The following CADM2 variants were observed in gnomAD, a reference collection of about 807,000 sequenced individuals.
CADM2 encodes immunoglobulin superfamily member 4D.
CADM2 carries 12 observed loss-of-function variants against 49.8 expected under a neutral mutation model. The ratio of observed to expected loss-of-function variants is 0.24; its 90% CI spans 0.15 to 0.39. The LOEUF (loss-of-function observed/expected upper bound fraction) is 0.39, where lower values mean the gene tolerates loss of function less well. Ranked by LOEUF, CADM2 falls within the 10% of genes least tolerant of loss-of-function variation. The probability of loss-of-function intolerance (pLI) is 1.00; values close to 1 mark genes in which losing one functional copy is unlikely to be tolerated. For missense variants in CADM2, 378 were observed against 492.3 expected (o/e 0.77, Z 2.20); for synonymous variants, 214 against 175.4 (o/e 1.22, Z -1.74).
intron 1 of CADM2, among the ~76,000 whole-genome samples, chr3:85,294,873 G>T (rs1437452590): frequency 6.6e-6 from 1 of 152,100 alleles, no homozygotes; most frequent in Non-Finnish European, 1.5e-5. Flanking sequence ...TCAGGACATA[G>T]GCATGGGCAA....
intron 1 of CADM2, among the ~76,000 whole-genome samples, chr3:85,047,872 G>A (rs2035727804): frequency 6.6e-6 from 1 of 152,118 alleles, no homozygotes; most frequent in Admixed American, 6.6e-5. Flanking sequence ...AAACAAAGCA[G>A]AAGACTTTCT....
intron 1 of CADM2, among the ~76,000 whole-genome samples, chr3:85,707,630 G>T (rs534749749): frequency 3.0e-4 from 46 of 152,018 alleles, no homozygotes; most frequent in Admixed American, 2.5e-3. Context: ...AAGTAGTGAT[G>T]TAAAAACACG....
chr3:85,901,055 G>C (rs1256894388), intron 5 of CADM2, among the ~76,000 whole-genome samples: 2 of 152,070 alleles, frequency 1.3e-5, no homozygotes, highest in African/African-American at 2.4e-5. Context: ...AAATTAGCTG[G>C]GCGTGGTGGT....
intron 1 of CADM2, among the ~76,000 whole-genome samples, chr3:85,627,298 C>A (rs1426279012): frequency 6.6e-6 from 1 of 151,904 alleles, no homozygotes; most frequent in Non-Finnish European, 1.5e-5. Flanking sequence ...ACCTTCCCTG[C>A]AGAGATGCAC....
chr3:85,804,261 A>G (rs2072257676), intron 3 of CADM2, among the ~76,000 whole-genome samples: 1 of 152,166 alleles, frequency 6.6e-6, no homozygotes, highest in South Asian at 2.1e-4. Context: ...TTCATTACGA[A>G]ACTAAATATA....
chr3:85,908,850 G>A (rs1041087265), intron 5 of CADM2, among the ~76,000 whole-genome samples: 1 of 151,498 alleles, frequency 6.6e-6, no homozygotes, highest in African/African-American at 2.4e-5. Context: ...TCAGCCTCCT[G>A]AGTAGCTGGG....
chr3:85,079,935 A>C (rs891643286), intron 1 of CADM2, among the ~76,000 whole-genome samples: 2 of 151,950 alleles, frequency 1.3e-5, no homozygotes, highest in Admixed American at 6.6e-5. Flanking sequence ...AGGATGTACT[A>C]TCACATTTCC....
rs1739360776 is a variant in CADM2 at position 86,066,523 on chromosome 3, A to T, written c.1097-142A>T. The T allele has an allele frequency of 2.1e-5, 14 of 653,844 alleles. 1 individual carries two copies. In the South Asian group the frequency reaches 2.7e-4, roughly 12 times the overall value. The allele number at this position is 653,844 out of a possible 1,614,324, so 40.5% of individuals were successfully genotyped here. On this transcript the variant is annotated intron_variant, in intron 9 of 9. Coordinates refer to ENST00000383699, the MANE Select transcript of CADM2 (RefSeq NM_001167675.2). ...GCGTACCTGAAAACTGTAAGAAAACAGTGCAACTTTAGAAGAGTCAATCGG... is the reference window on the plus strand; with the variant it reads ...GCGTACCTGAAAACTGTAAGAAAACTGTGCAACTTTAGAAGAGTCAATCGG...
At chr3:85,537,557 G>C (rs1423039018) in intron 1 of CADM2, among the ~76,000 whole-genome samples, 5 of 151,628 alleles carry the variant, frequency 3.3e-5, no homozygotes, top group Non-Finnish European at 1.5e-5. Context: ...AAGAAAATGT[G>C]TTTATTTCCA....
chr3:85,961,697 A>G (rs935329237), intron 8 of CADM2, 50 bp downstream of exon 8: 2 of 1,361,294 alleles, frequency 1.5e-6, no homozygotes, highest in Non-Finnish European at 2.0e-6. Flanking sequence ...ATAACTTGAA[A>G]AACTATTTAA....
intron 1 of CADM2, among the ~76,000 whole-genome samples, chr3:85,056,586 C>T (rs1033130073): frequency 6.6e-5 from 10 of 151,916 alleles, no homozygotes; most frequent in Admixed American, 5.9e-4. Flanking sequence ...AATTTCAATC[C>T]CTGCAATTTG....
intron 1 of CADM2, among the ~76,000 whole-genome samples, chr3:85,569,122 AG>A (rs1471850974): frequency 1.3e-5 from 2 of 152,142 alleles, no homozygotes; most frequent in African/African-American, 2.4e-5. Flanking sequence ...GCATTTTTAT[AG>A]GCACACCTAC....
chr3:85,881,974 G>C (rs1397062859), intron 3 of CADM2, among the ~76,000 whole-genome samples: 1 of 152,136 alleles, frequency 6.6e-6, no homozygotes, highest in African/African-American at 2.4e-5. Flanking sequence ...GATCTGACAG[G>C]AGGCAGAGCT....
intron 1 of CADM2, among the ~76,000 whole-genome samples, chr3:85,400,159 G>T (rs1045755934): frequency 1.3e-5 from 2 of 152,118 alleles, no homozygotes; most frequent in Non-Finnish European, 2.9e-5. Flanking sequence ...TTAGCATGAA[G>T]CGTTGTTGAG....
intron 1 of CADM2, among the ~76,000 whole-genome samples, chr3:85,484,990 C>G (rs1175388336): frequency 1.3e-5 from 2 of 151,646 alleles, no homozygotes; most frequent in African/African-American, 4.8e-5. Flanking sequence ...AAACCCCTGT[C>G]AAAACAGTGA....
chr3:85,433,149 T>TC (rs2036763956), intron 1 of CADM2, among the ~76,000 whole-genome samples: 1 of 150,762 alleles, frequency 6.6e-6, no homozygotes, highest in African/African-American at 2.4e-5. Context: ...TCTTTTTTTT[T>TC]CTAAAAAGCA....
chr3:85,011,342 A>AG (rs146416065), intron 1 of CADM2, among the ~76,000 whole-genome samples: 3,226 of 152,234 alleles, frequency 0.021, 126 homozygotes, highest in African/African-American at 0.073. Flanking sequence ...ATATTTATTT[A>AG]GATAGGGTGT....
At chr3:85,890,218 G>A (rs749268188) in intron 5 of CADM2, among the ~76,000 whole-genome samples, 2 of 152,072 alleles carry the variant, frequency 1.3e-5, no homozygotes, top group Non-Finnish European at 2.9e-5. Flanking sequence ...TAGGGGAAGG[G>A]TAGACAATGA....
intron 8 of CADM2, among the ~76,000 whole-genome samples, chr3:85,988,573 A>G (rs1465104763): frequency 1.3e-5 from 2 of 152,214 alleles, no homozygotes; most frequent in Non-Finnish European, 2.9e-5. Context: ...GTCAAGATCA[A>G]TAACGTGTAG....
Sources: gnomAD v4.1 joint callset for allele counts (sites outside exome capture counted in the v4.1 genomes callset) on GRCh38, gnomAD v4.1.1 for gene constraint, MANE v1.5 for transcripts, NCBI Gene and HGNC (gene_info 2026-07-23, HGNC 2026-07-21) for gene names.